The following LRMDA variants were observed in gnomAD, a reference collection of about 807,000 sequenced individuals.
LRMDA encodes leucine-rich melanocyte differentiation-associated protein.
LRMDA carries 18 observed loss-of-function variants against 29.8 expected under a neutral mutation model. The ratio of observed to expected loss-of-function variants is 0.60; its 90% confidence interval spans 0.42 to 0.90. LRMDA has a LOEUF of 0.90. LRMDA is among the 40% of genes least tolerant of loss of function. LRMDA has a pLI of 0.00. For synonymous variants in LRMDA, 125 were observed against 109.4 expected (o/e 1.14, Z -0.89); for missense variants, 273 against 273.9 (o/e 1.00, Z 0.02).
chr10:76,353,854 A>T (rs1167661352), intron 6 of LRMDA, among the ~76,000 whole-genome samples: 1 of 152,252 alleles, frequency 6.6e-6, no homozygotes, highest in African/African-American at 2.4e-5. Flanking sequence ...AAGGGGGGAC[A>T]TGTGATTTCT....
intron 2 of LRMDA, among the ~76,000 whole-genome samples, chr10:75,897,807 T>G (rs1265801149): frequency 6.7e-6 from 1 of 149,914 alleles, no homozygotes; most frequent in Non-Finnish European, 1.5e-5. Context: ...GCTAAAGCAC[T>G]TCTTCCTGCC....
chr10:75,704,253 A>G (rs16932567), intron 2 of LRMDA, among the ~76,000 whole-genome samples: 15,595 of 152,188 alleles, frequency 0.1, 953 homozygotes, highest in South Asian at 0.23. Context: ...TTCAACAATA[A>G]CCACCTTTCA....
chr10:76,345,060 CTTTTT>C (rs60233969), intron 6 of LRMDA, among the ~76,000 whole-genome samples: 2 of 77,616 alleles, frequency 2.6e-5, no homozygotes, highest in Admixed American at 2.0e-4. Flanking sequence ...AACACAAAAC[CTTTTT>C]TTTTTTTTTT....
rs559308334 is a variant in LRMDA, at chr10:76,240,176, G to A, written c.517-84225G>A. 1.2e-4 allele frequency among the ~76,000 whole-genome samples: 18 copies of A among 149,034 alleles called. No individual in the cohort carries two copies. The East Asian group carries it at 3.0e-3, about 24-fold the overall frequency. On this transcript the variant is annotated intron_variant, in intron 5 of 6. Transcript: ENST00000611255. ...TATCAAGGAAATGCAAATCAAAATC[G>A]CATACACACACACACACCACACACA...
chr10:76,114,294 C>T (rs1849628969), intron 5 of LRMDA, among the ~76,000 whole-genome samples: 1 of 152,224 alleles, frequency 6.6e-6, no homozygotes, highest in Non-Finnish European at 1.5e-5. Flanking sequence ...ACTATTTATA[C>T]TTTGTGTAAT....
chr10:75,644,832 C>T (rs1351591891), intron 2 of LRMDA, among the ~76,000 whole-genome samples: 3 of 152,296 alleles, frequency 2.0e-5, no homozygotes, highest in Admixed American at 2.0e-4. Flanking sequence ...CTTTACCCTA[C>T]TTCACTTCTG....
At chr10:76,451,143 T>C (rs2132299756) in intron 6 of LRMDA, among the ~76,000 whole-genome samples, 1 of 152,284 alleles carries the variant, frequency 6.6e-6, no homozygotes, top group East Asian at 1.9e-4. Flanking sequence ...ACTCTTGAAG[T>C]TTGAAGTGAT....
chr10:75,537,014 G>A (rs1219101069), intron 2 of LRMDA, among the ~76,000 whole-genome samples: 1 of 152,142 alleles, frequency 6.6e-6, no homozygotes, highest in Non-Finnish European at 1.5e-5. Flanking sequence ...ATTAGACCTA[G>A]AATTGCCAGG....
intron 2 of LRMDA, among the ~76,000 whole-genome samples, chr10:75,487,868 G>C (rs1353648044): frequency 6.6e-6 from 1 of 152,162 alleles, no homozygotes; most frequent in Non-Finnish European, 1.5e-5. Flanking sequence ...CATCCTGAGT[G>C]GACTGGTAGA....
At chr10:75,559,218 G>A (rs1406804180) in intron 2 of LRMDA, among the ~76,000 whole-genome samples, 5 of 152,052 alleles carry the variant, frequency 3.3e-5, no homozygotes, top group East Asian at 1.9e-4. Context: ...TTTAATGATC[G>A]CCATTCTAAC....
intron 6 of LRMDA, among the ~76,000 whole-genome samples, chr10:76,339,502 A>G (rs1253388576): frequency 6.6e-6 from 1 of 152,026 alleles, no homozygotes; most frequent in African/African-American, 2.4e-5. Context: ...AGATAAAAAT[A>G]TATGAACTAT....
At chr10:75,932,448 C>G (rs1030162045) in intron 2 of LRMDA, among the ~76,000 whole-genome samples, 5 of 152,014 alleles carry the variant, frequency 3.3e-5, no homozygotes, top group African/African-American at 1.2e-4. Context: ...TTCTGGTCTA[C>G]AAAAATAAAA....
At chr10:75,843,517 T>G (rs902659256) in intron 2 of LRMDA, among the ~76,000 whole-genome samples, 1 of 152,180 alleles carries the variant, frequency 6.6e-6, no homozygotes, top group African/African-American at 2.4e-5. Flanking sequence ...GTGTCTTTCT[T>G]GCCAAATTCC....
intron 2 of LRMDA, among the ~76,000 whole-genome samples, chr10:75,446,383 A>AG (rs1844397380): frequency 6.6e-6 from 1 of 152,238 alleles, no homozygotes. Context: ...AGTGAGGCTA[A>AG]GAGCCTGGGC....
chr10:76,228,283 G>A (rs1165096626), intron 5 of LRMDA, among the ~76,000 whole-genome samples: 1 of 152,088 alleles, frequency 6.6e-6, no homozygotes. Context: ...GCCTCCCAAA[G>A]TGCTAGGTAT....
At chr10:75,859,079 CAT>C (rs2132319551) in intron 2 of LRMDA, among the ~76,000 whole-genome samples, 1 of 152,324 alleles carries the variant, frequency 6.6e-6, no homozygotes, top group Non-Finnish European at 1.5e-5. Flanking sequence ...TGCAATATTC[CAT>C]AGTGTGGCTA....
intron 2 of LRMDA, among the ~76,000 whole-genome samples, chr10:75,580,101 G>T (rs990305297): frequency 6.6e-6 from 1 of 152,158 alleles, no homozygotes; most frequent in Non-Finnish European, 1.5e-5. Flanking sequence ...GAAATAAAGG[G>T]TATTCAATTA....
intron 6 of LRMDA, chr10:76,403,417 C>A (rs1273455425): frequency 6.6e-6 from 1 of 151,770 alleles, no homozygotes; most frequent in Non-Finnish European, 1.5e-5. Flanking sequence ...CTGGGCCCAC[C>A]CGTCTTCCCG....
chr10:75,612,329 A>G (rs1255805217), intron 2 of LRMDA, among the ~76,000 whole-genome samples: 1 of 152,218 alleles, frequency 6.6e-6, no homozygotes, highest in Non-Finnish European at 1.5e-5. Flanking sequence ...CTGAATTGAA[A>G]GCAATCTAGG....
Sources: allele counts gnomAD v4.1 joint callset (sites outside exome capture counted in the v4.1 genomes callset), GRCh38; gene constraint gnomAD v4.1.1; transcripts MANE v1.5; gene names NCBI Gene and HGNC (gene_info 2026-07-23, HGNC 2026-07-21).